The following MAP7 variants were observed in gnomAD, a reference collection of about 807,000 sequenced individuals.
The protein encoded by MAP7 is ensconsin.
In MAP7, 52 loss-of-function variants were observed where a neutral mutation model predicts 94.8. The ratio of observed to expected loss-of-function variants is 0.55; its 90% CI spans 0.44 to 0.69. The LOEUF (loss-of-function observed/expected upper bound fraction) is 0.69, where lower values mean the gene tolerates loss of function less well. Among genes scored for constraint, MAP7 ranks in the 30% least tolerant of loss-of-function variants. The pLI is 0.00. For missense variants in MAP7, 940 were observed against 964.6 expected (o/e 0.97, Z 0.34); for synonymous variants, 350 against 357.0 (o/e 0.98, Z 0.22).
At chr6:136,427,371 T>C (rs997563386) in intron 1 of MAP7, among the ~76,000 whole-genome samples, 19 of 152,232 alleles carry the variant, frequency 1.2e-4, no homozygotes, top group African/African-American at 4.6e-4. Flanking sequence ...TGATTGATGT[T>C]ATTAATCTTT....
At chr6:136,463,510 C>T (rs1295693840) in intron 1 of MAP7, among the ~76,000 whole-genome samples, 1 of 152,042 alleles carries the variant, frequency 6.6e-6, no homozygotes, top group African/African-American at 2.4e-5. Context: ...GTTCTTTAGT[C>T]TTTTCACTGT....
chr6:136,434,190 C>T (rs1388708869), intron 1 of MAP7, among the ~76,000 whole-genome samples: 18 of 151,796 alleles, frequency 1.2e-4, no homozygotes, highest in African/African-American at 4.4e-4. Flanking sequence ...GCCTGTAAAC[C>T]CAGCTACTCG....
intron 1 of MAP7, among the ~76,000 whole-genome samples, chr6:136,431,842 C>T (rs1795041917): frequency 6.6e-6 from 1 of 152,112 alleles, no homozygotes; most frequent in Non-Finnish European, 1.5e-5. Context: ...CTAACAGAAC[C>T]CTCATTGGCC....
At chr6:136,395,311 A>T (rs1406358930) in intron 3 of MAP7, among the ~76,000 whole-genome samples, 1 of 151,090 alleles carries the variant, frequency 6.6e-6, no homozygotes, top group Non-Finnish European at 1.5e-5. Flanking sequence ...TTTCCCTGAT[A>T]ATTAGTGATG....
chr6:136,470,073 C>T (rs951974109), intron 1 of MAP7, among the ~76,000 whole-genome samples: 2 of 152,138 alleles, frequency 1.3e-5, no homozygotes, highest in South Asian at 2.1e-4. Flanking sequence ...CTGCCACCCT[C>T]GAAACTGAAG....
rs924800403 is a variant in MAP7, at chr6:136,531,069, C to T, written c.67+19273G>A. 4.8e-5 allele frequency among the ~76,000 whole-genome samples: 7 copies of T among 144,954 alleles called. 1 individual carries two copies. The highest frequency in any genetic ancestry group is 7.4e-5 in the Non-Finnish European group (5 of 67,946). ...GTTAGGTGTGAAATGCCACATTAAACCTTAACCCAGTAGCACATAATGGAA... is the reference window on the plus strand; with the variant it reads ...GTTAGGTGTGAAATGCCACATTAAATCTTAACCCAGTAGCACATAATGGAA... On this transcript the variant is annotated intron_variant, in intron 1 of 17. Coordinates refer to ENST00000354570, the MANE Select transcript of MAP7 (RefSeq NM_003980.6).
intron 16 of MAP7, among the ~76,000 whole-genome samples, chr6:136,354,325 TATAA>T (rs1233207518): frequency 6.9e-6 from 1 of 144,708 alleles, no homozygotes. Context: ...TTTAAATTCC[TATAA>T]ATATATATTT....
chr6:136,436,815 C>T (rs374862879), intron 1 of MAP7, among the ~76,000 whole-genome samples: 2 of 152,190 alleles, frequency 1.3e-5, no homozygotes, highest in South Asian at 4.1e-4. Context: ...GTATTTCACA[C>T]AAGGAAAATT....
intron 1 of MAP7, among the ~76,000 whole-genome samples, chr6:136,471,432 C>T (rs1019739888): frequency 1.3e-5 from 2 of 152,186 alleles, no homozygotes; most frequent in African/African-American, 4.8e-5. Context: ...TCAACATTTA[C>T]AATCTAATCT....
At chr6:136,467,868 C>A (rs1032266693) in intron 1 of MAP7, among the ~76,000 whole-genome samples, 4 of 152,132 alleles carry the variant, frequency 2.6e-5, no homozygotes, top group African/African-American at 9.7e-5. Context: ...GAAAATAAAA[C>A]CTGCCAAGCC....
Position 136,362,652 on chromosome 6 carries a change from C to T in MAP7, c.1324G>A (p.Ala442Thr), listed in dbSNP as rs761615612. 1 of 1,607,042 alleles carries T rather than the reference C, an allele frequency of 6.2e-7. No individual in the cohort carries two copies. The highest frequency in any genetic ancestry group is 8.5e-7 in the Non-Finnish European group (1 of 1,177,060). Residue 442 changes from alanine (A) to threonine (T), a missense_variant, in exon 11 of 18, where the codon GCC becomes ACC. Ala to Thr is a moderately conservative substitution (Grantham distance 58). Transcript: ENST00000354570. ...GTGGGGACCGGGGCTGGAGCTGGGG[C>T]CGAGGCTGGAGCTGGGGCCGAGGCT... ...APASAPAPAS[A>T]PAPAPVPTPA... is the part of the protein sequence containing the mutation.
intron 1 of MAP7, among the ~76,000 whole-genome samples, chr6:136,439,897 C>T (rs1204351291): frequency 6.6e-6 from 1 of 152,164 alleles, no homozygotes; most frequent in Non-Finnish European, 1.5e-5. Flanking sequence ...GAGTGGCTGG[C>T]TCACGGGCCC....
chr6:136,390,523 C>T (rs1446533799), intron 3 of MAP7, among the ~76,000 whole-genome samples: 1 of 151,930 alleles, frequency 6.6e-6, no homozygotes, highest in Non-Finnish European at 1.5e-5. Context: ...TGTGGTGGCA[C>T]GTGCCTGTAG....
At chr6:136,486,639 C>A (rs146210724) in intron 1 of MAP7, among the ~76,000 whole-genome samples, 1 of 152,264 alleles carries the variant, frequency 6.6e-6, no homozygotes, top group East Asian at 1.9e-4. Flanking sequence ...CTGGCTTAAT[C>A]CTGCCCTAGC....
rs1303776302 is a variant in MAP7, at chr6:136,343,373, A to G, written c.*855T>C. 1.3e-5 allele frequency: 2 copies of G among 152,678 alleles called. No individual in the cohort carries two copies. The highest frequency in any genetic ancestry group is 4.8e-5 in the African/African-American group (2 of 41,468). 9.5% of individuals were successfully genotyped at this position (152,678 alleles called of 1,614,324 possible). On this transcript the variant is annotated 3_prime_UTR_variant, in exon 18 of 18. Coordinates refer to ENST00000354570, the MANE Select transcript of MAP7 (RefSeq NM_003980.6). ...TAATTTGTGATCAGGTAAGGCAAAG[A>G]TAAGTCCACCATCACTGGGGACAGC...
chr6:136,503,208 C>T (rs1820314567), intron 1 of MAP7, among the ~76,000 whole-genome samples: 1 of 152,178 alleles, frequency 6.6e-6, no homozygotes, highest in South Asian at 2.1e-4. Context: ...CTCCCTTTCC[C>T]TCCTTTATTC....
chr6:136,447,569 T>C (rs1799726721), intron 1 of MAP7, among the ~76,000 whole-genome samples: 1 of 152,242 alleles, frequency 6.6e-6, no homozygotes, highest in African/African-American at 2.4e-5. Flanking sequence ...GGAAAAAATG[T>C]TTTAATATTA....
chr6:136,373,950 G>A (rs1775317676), intron 7 of MAP7, among the ~76,000 whole-genome samples: 1 of 152,140 alleles, frequency 6.6e-6, no homozygotes, highest in Non-Finnish European at 1.5e-5. Flanking sequence ...AGTATCTTCT[G>A]GCTATCACTG....
chr6:136,402,974 T>A (rs1245257690), intron 3 of MAP7, among the ~76,000 whole-genome samples: 4 of 143,172 alleles, frequency 2.8e-5, no homozygotes. Context: ...ACTTACTATC[T>A]CAGGGCTAGG....
Sources: gnomAD v4.1 joint callset for allele counts (sites outside exome capture counted in the v4.1 genomes callset) on GRCh38, gnomAD v4.1.1 for gene constraint, MANE v1.5 for transcripts, NCBI Gene and HGNC (gene_info 2026-07-23, HGNC 2026-07-21) for gene names.